The following SLC14A2 variants were observed in gnomAD, a reference collection of about 807,000 sequenced individuals.
SLC14A2 encodes urea transporter 2.
In SLC14A2, 91 loss-of-function variants were observed where a neutral mutation model predicts 104.6. That is an observed-to-expected ratio of 0.87 (90% CI 0.73 to 1.04). The LOEUF (loss-of-function observed/expected upper bound fraction) is 1.04. Ranked by LOEUF, SLC14A2 falls within the 50% of genes least tolerant of loss-of-function variation. The pLI is 0.00. For missense variants in SLC14A2, 1,189 were observed against 1,156.0 expected, an observed-to-expected ratio of 1.03 and a Z score of -0.41; for synonymous variants, 476 against 466.4, an observed-to-expected ratio of 1.02 and a Z score of -0.27.
intron 1 of SLC14A2, among the ~76,000 whole-genome samples, chr18:45,391,459 T>A (rs1307521398): frequency 6.6e-6 from 1 of 152,206 alleles, no homozygotes; most frequent in Non-Finnish European, 1.5e-5. Flanking sequence ...GATGGCTGGG[T>A]CAAATGGTAT....
At chr18:45,457,589 G>A (rs1167711185) in intron 1 of SLC14A2, among the ~76,000 whole-genome samples, 1 of 151,994 alleles carries the variant, frequency 6.6e-6, no homozygotes, top group Non-Finnish European at 1.5e-5. Context: ...AAAATCCTAG[G>A]AGCAGTGTTT....
At chr18:45,352,165 A>G (rs1183107994) in intron 1 of SLC14A2, among the ~76,000 whole-genome samples, 1 of 152,144 alleles carries the variant, frequency 6.6e-6, no homozygotes, top group Non-Finnish European at 1.5e-5. Flanking sequence ...GTGCACATTC[A>G]TGAGGTCTTC....
intron 1 of SLC14A2, among the ~76,000 whole-genome samples, chr18:45,475,518 T>C (rs1312958727): frequency 6.6e-6 from 1 of 150,944 alleles, no homozygotes; most frequent in Admixed American, 6.6e-5. Context: ...CTCTAAGAAC[T>C]TGCTTTATGA....
intron 1 of SLC14A2, among the ~76,000 whole-genome samples, chr18:45,308,880 G>A (rs1232662436): frequency 6.6e-6 from 1 of 152,162 alleles, no homozygotes; most frequent in Non-Finnish European, 1.5e-5. Context: ...CATCATTTGA[G>A]TGGCTTGTTT....
At chr18:45,523,083 TG>T (rs1237887704) in intron 2 of SLC14A2, among the ~76,000 whole-genome samples, 9 of 152,146 alleles carry the variant, frequency 5.9e-5, no homozygotes, top group African/African-American at 2.2e-4. Flanking sequence ...TGGTCACTGG[TG>T]GGGTGTGGGG....
At chr18:45,641,109 A>T in intron 7 of SLC14A2, 100 bp from the exon 8 acceptor site, 1 of 1,300,386 alleles carries the variant, frequency 7.7e-7, no homozygotes, top group Non-Finnish European at 1.1e-6. Context: ...TGTGGGGTGA[A>T]CAACAGCATG....
At chr18:45,549,368 T>C (rs2044021314) in intron 2 of SLC14A2, among the ~76,000 whole-genome samples, 2 of 152,328 alleles carry the variant, frequency 1.3e-5, no homozygotes, top group East Asian at 3.9e-4. Flanking sequence ...CCAGCCAAGC[T>C]GTAGAAAGCA....
At chr18:45,169,525 T>C in the SLC14A2 span, among the ~76,000 whole-genome samples, 1 of 152,244 alleles carries the variant, frequency 6.6e-6, no homozygotes, top group South Asian at 2.1e-4. Flanking sequence ...GATAAGGCTG[T>C]AATCACAGAG....
chr18:45,423,377 T>C (rs143066194), intron 1 of SLC14A2, among the ~76,000 whole-genome samples: 280 of 152,350 alleles, frequency 1.8e-3, no homozygotes, highest in Non-Finnish European at 3.3e-3. Flanking sequence ...CATAGTCCTG[T>C]CCTGGGGAGA....
At chr18:45,501,730 A>G (rs757079787) in intron 2 of SLC14A2, among the ~76,000 whole-genome samples, 21 of 152,216 alleles carry the variant, frequency 1.4e-4, no homozygotes, top group Non-Finnish European at 8.8e-5. Context: ...GGGATTCCTG[A>G]AAGGTTTCTC....
intron 18 of SLC14A2, among the ~76,000 whole-genome samples, chr18:45,678,029 G>A (rs1191224405): frequency 6.6e-6 from 1 of 152,090 alleles, no homozygotes; most frequent in African/African-American, 2.4e-5. Flanking sequence ...TTGTTGCCCA[G>A]ACTGGTCTCA....
intron 2 of SLC14A2, among the ~76,000 whole-genome samples, chr18:45,508,489 GC>G (rs1174448506): frequency 3.9e-5 from 6 of 152,282 alleles, no homozygotes; most frequent in East Asian, 3.9e-4. Context: ...TTCACCTTCT[GC>G]CATGATCGTG....
rs538901785 is a variant in SLC14A2, at chr18:45,575,203, C to T, written c.-34-49428C>T. Among the ~76,000 whole-genome samples, 200 of 152,220 alleles carry T rather than the reference C, an allele frequency of 1.3e-3. 1 individual carries two copies. The highest frequency in any genetic ancestry group is 4.6e-3 in the African/African-American group (189 of 41,520). ...AATCTGAATCAGGGAGCTCTCTTGC[C>T]TGGGACAGAGGGTGATTCAGTCCCT... On this transcript the variant is annotated intron_variant, in intron 2 of 20. Coordinates refer to the SLC14A2 transcript ENST00000586448.
intron 1 of SLC14A2, among the ~76,000 whole-genome samples, chr18:45,258,035 G>A (rs2144091931): frequency 6.6e-6 from 1 of 152,240 alleles, no homozygotes; most frequent in South Asian, 2.1e-4. Flanking sequence ...CTTAGTATAT[G>A]CCAAGCACTG....
chr18:45,328,850 C>CA (rs1293377414), intron 1 of SLC14A2, among the ~76,000 whole-genome samples: 1 of 152,136 alleles, frequency 6.6e-6, no homozygotes. Context: ...CAAACAAACT[C>CA]AAAAAAAGTA....
intron 13 of SLC14A2, 130 bp downstream of exon 13, chr18:45,667,224 C>A: frequency 1.5e-6 from 1 of 669,196 alleles, no homozygotes; most frequent in Non-Finnish European, 2.5e-6. Flanking sequence ...TTACTGTGGT[C>A]TTTCCTGGAA....
chr18:45,359,782 G>A (rs1156456734), intron 1 of SLC14A2, among the ~76,000 whole-genome samples: 3 of 152,202 alleles, frequency 2.0e-5, no homozygotes, highest in Non-Finnish European at 4.4e-5. Flanking sequence ...AAATGGGGCA[G>A]GGTGTCCTGG....
chr18:45,554,121 G>A (rs1598997895), intron 2 of SLC14A2, among the ~76,000 whole-genome samples: 2 of 152,224 alleles, frequency 1.3e-5, no homozygotes, highest in South Asian at 2.1e-4. Flanking sequence ...CGAAGCTTGC[G>A]GTATGGTAGA....
intron 2 of SLC14A2, among the ~76,000 whole-genome samples, chr18:45,609,616 A>G (rs746376709): frequency 6.6e-6 from 1 of 152,200 alleles, no homozygotes; most frequent in African/African-American, 2.4e-5. Flanking sequence ...CAGAGGGCCC[A>G]TGCTTCTGTT....
Sources: gnomAD v4.1 joint callset for allele counts (sites outside exome capture counted in the v4.1 genomes callset) on GRCh38, gnomAD v4.1.1 for gene constraint, MANE v1.5 for transcripts, NCBI Gene and HGNC (gene_info 2026-07-23, HGNC 2026-07-21) for gene names.